Variants in NXN observed in about 807,000 individuals in gnomAD.
NXN encodes the protein nucleoredoxin 1.
Under a neutral mutation model 48.6 loss-of-function variants are expected in NXN, and 16 were observed. The observed-to-expected ratio is 0.33, with a 90% confidence interval of 0.22 to 0.50. The LOEUF is 0.50. Ranked by LOEUF, NXN falls within the 20% of genes least tolerant of loss-of-function variation. The pLI is 0.98. For missense variants in NXN, 492 were observed against 605.5 expected, an observed-to-expected ratio of 0.81 and a Z score of 1.97; for synonymous variants, 281 against 269.6, an observed-to-expected ratio of 1.04 and a Z score of -0.41.
In NXN at chr17:870,898, G is replaced by A. The variant is rs186167292; in HGVS notation, c.361-44820C>T. 6.8e-3 allele frequency among the ~76,000 whole-genome samples: 1,031 copies of A among 151,644 alleles called. 8 individuals are homozygous for A. The highest frequency in any genetic ancestry group is 0.024 in the African/African-American group (983 of 41,326). ...TTTTGAGACAGAGTCTCACTCTGTC[G>A]CCCAGGCTGGAGTGCAGTGGTGCGA... On this transcript the variant is annotated intron_variant, in intron 1 of 7. Coordinates refer to ENST00000336868, the MANE Select transcript of NXN (RefSeq NM_022463.5).
chr17:846,767 G>A (rs1287876298), intron 1 of NXN, among the ~76,000 whole-genome samples: 1 of 152,138 alleles, frequency 6.6e-6, no homozygotes, highest in Non-Finnish European at 1.5e-5. Context: ...CTTTAAATAA[G>A]GAAAGGAATG....
At chr17:953,961 C>T (rs1275422671) in intron 1 of NXN, among the ~76,000 whole-genome samples, 2 of 152,180 alleles carry the variant, frequency 1.3e-5, no homozygotes, top group East Asian at 1.9e-4. Flanking sequence ...CGTGTGGCTC[C>T]GTGCTGCGGC....
rs1433726488 is a variant in NXN at position 948,844 on chromosome 17, C to T, written c.360+30475G>A. Among the ~76,000 whole-genome samples the T allele has an allele frequency of 4.7e-5, 6 of 127,378 alleles. 1 individual carries two copies. Among genetic ancestry groups the T allele is most frequent in the Admixed American group, 7.8e-5 (1 of 12,898 alleles). The allele number at this position is 127,378 out of a possible 152,430, so 83.6% of individuals were successfully genotyped here. A position where few individuals can be genotyped will look rare whatever the true frequency, so the allele number is the denominator to read the frequency against. ...TCCCCGCGGCCTCCTCCTCTCCCCC[C>T]TGCCTCCTCCTCTCCCCGCGGCCTC... On this transcript the variant is annotated intron_variant, in intron 1 of 7. Coordinates refer to ENST00000336868, the MANE Select transcript of NXN (RefSeq NM_022463.5).
At chr17:922,708 G>A (rs1373372055) in intron 1 of NXN, among the ~76,000 whole-genome samples, 1 of 151,878 alleles carries the variant, frequency 6.6e-6, no homozygotes, top group Non-Finnish European at 1.5e-5. Flanking sequence ...CTGGAGTGCA[G>A]TGGTGCGATC....
chr17:938,567 C>T (rs1170077914), intron 1 of NXN, among the ~76,000 whole-genome samples: 3 of 151,990 alleles, frequency 2.0e-5, no homozygotes, highest in Non-Finnish European at 2.9e-5. Context: ...CCTGTAGTCC[C>T]AGCTACTTGG....
intron 5 of NXN, among the ~76,000 whole-genome samples, chr17:810,353 G>A (rs958984470): frequency 1.1e-4 from 17 of 151,784 alleles, no homozygotes; most frequent in African/African-American, 3.6e-4. Flanking sequence ...TGTACGTTAA[G>A]AGTCCGTGTG....
intron 1 of NXN, among the ~76,000 whole-genome samples, chr17:931,250 G>A (rs1170889607): frequency 1.3e-5 from 2 of 148,916 alleles, no homozygotes; most frequent in Non-Finnish European, 3.0e-5. Context: ...TCGCGCCACT[G>A]CACTCCAGCC....
At chr17:816,369 T>A (rs531412862) in intron 5 of NXN, among the ~76,000 whole-genome samples, 18 of 151,900 alleles carry the variant, frequency 1.2e-4, no homozygotes, top group African/African-American at 4.1e-4. Context: ...GAGAGTGCCC[T>A]GTGAGGACCA....
intron 1 of NXN, among the ~76,000 whole-genome samples, chr17:886,634 C>T (rs946510795): frequency 6.6e-5 from 10 of 152,076 alleles, no homozygotes; most frequent in African/African-American, 9.7e-5. Flanking sequence ...AAAAATTAGC[C>T]GGGCGTGGTG....
chr17:911,794 A>G (rs1315062563), intron 1 of NXN, among the ~76,000 whole-genome samples: 1 of 150,770 alleles, frequency 6.6e-6, no homozygotes, highest in African/African-American at 2.4e-5. Context: ...ATGTCTAACC[A>G]AAGTTTCATA....
chr17:801,188 G>C (rs1911184550), intron 7 of NXN, 57 bp from the exon 8 acceptor site: 65 of 1,338,368 alleles, frequency 4.9e-5, no homozygotes, highest in Non-Finnish European at 6.0e-5. Flanking sequence ...GAGGGGGAGA[G>C]TCCCCTGGGC....
chr17:944,602 C>T (rs544680507), intron 1 of NXN, among the ~76,000 whole-genome samples: 5 of 152,186 alleles, frequency 3.3e-5, no homozygotes, highest in African/African-American at 1.2e-4. Flanking sequence ...CCTCTCATCT[C>T]TGGCAAATCA....
intron 1 of NXN, among the ~76,000 whole-genome samples, chr17:877,598 C>T (rs774755949): frequency 2.6e-5 from 4 of 152,078 alleles, no homozygotes; most frequent in Admixed American, 1.3e-4. Flanking sequence ...GGAAGACGGA[C>T]GCGTACATAA....
chr17:957,058 C>T (rs2069178765), intron 1 of NXN, among the ~76,000 whole-genome samples: 1 of 152,214 alleles, frequency 6.6e-6, no homozygotes, highest in Admixed American at 6.6e-5. Context: ...ATTTATTTCT[C>T]TGCATCCTGA....
chr17:925,940 G>C (rs548542473), intron 1 of NXN, among the ~76,000 whole-genome samples: 1 of 152,312 alleles, frequency 6.6e-6, no homozygotes, highest in African/African-American at 2.4e-5. Context: ...CACTTCTTTA[G>C]ATAATCTTTG....
chr17:977,511 T>C (rs981634320), intron 1 of NXN, among the ~76,000 whole-genome samples: 1 of 152,254 alleles, frequency 6.6e-6, no homozygotes, highest in Non-Finnish European at 1.5e-5. Context: ...CGGAAAAAGC[T>C]CTAAGCATTT....
At chr17:858,783 C>T (rs1597669561) in intron 1 of NXN, among the ~76,000 whole-genome samples, 1 of 152,218 alleles carries the variant, frequency 6.6e-6, no homozygotes, top group Non-Finnish European at 1.5e-5. Flanking sequence ...ACGGCTTACA[C>T]ACGAAGGGTC....
intron 1 of NXN, among the ~76,000 whole-genome samples, chr17:915,579 C>G (rs2068680449): frequency 6.6e-6 from 1 of 152,186 alleles, no homozygotes; most frequent in Admixed American, 6.5e-5. Context: ...GACACCACAC[C>G]TGGACTCTAG....
intron 1 of NXN, among the ~76,000 whole-genome samples, chr17:914,981 C>A (rs1366837313): frequency 2.6e-5 from 4 of 152,062 alleles, no homozygotes; most frequent in Admixed American, 2.6e-4. Flanking sequence ...GCTCGCCAGG[C>A]TGGAGTGCAG....
Sources: allele counts gnomAD v4.1 joint callset (sites outside exome capture counted in the v4.1 genomes callset), GRCh38; gene constraint gnomAD v4.1.1; transcripts MANE v1.5; gene names NCBI Gene and HGNC (gene_info 2026-07-23, HGNC 2026-07-21).